Variants in RSPO2 observed in about 807,000 individuals in gnomAD.
The protein encoded by RSPO2 is R-spondin 2, also known as R-spondin-2.
RSPO2 carries 14 observed loss-of-function variants against 30.9 expected under a neutral mutation model. That is an observed-to-expected ratio of 0.45 (90% CI 0.30 to 0.71). The LOEUF (loss-of-function observed/expected upper bound fraction) is 0.71, where lower values mean the gene tolerates loss of function less well. Among genes scored for constraint, RSPO2 ranks in the 30% least tolerant of loss-of-function variants. The probability of loss-of-function intolerance (pLI) is 0.08; values close to 1 mark genes in which losing one functional copy is unlikely to be tolerated. For synonymous variants in RSPO2, 107 were observed against 96.4 expected, an observed-to-expected ratio of 1.11 and a Z score of -0.64; for missense variants, 264 against 301.9, an observed-to-expected ratio of 0.87 and a Z score of 0.93.
intron 2 of RSPO2, among the ~76,000 whole-genome samples, chr8:108,049,249 AAAG>A (rs1361173214): frequency 6.6e-6 from 1 of 152,016 alleles, no homozygotes; most frequent in African/African-American, 2.4e-5. Flanking sequence ...AAGTATAATA[AAAG>A]AATAAAATAA....
At chr8:108,025,783 A>G (rs780674928) in intron 2 of RSPO2, among the ~76,000 whole-genome samples, 1 of 152,072 alleles carries the variant, frequency 6.6e-6, no homozygotes, top group Non-Finnish European at 1.5e-5. Context: ...CAGCCTCCCA[A>G]GGTGGTGGAG....
At chr8:108,031,066 C>T (rs1001653374) in intron 2 of RSPO2, among the ~76,000 whole-genome samples, 4 of 152,152 alleles carry the variant, frequency 2.6e-5, no homozygotes, top group African/African-American at 9.7e-5. Flanking sequence ...TGATTTTGTT[C>T]AGGTTCCATC....
At chr8:107,965,146 T>C (rs1471749075) in intron 3 of RSPO2, among the ~76,000 whole-genome samples, 2 of 152,206 alleles carry the variant, frequency 1.3e-5, no homozygotes, top group African/African-American at 4.8e-5. Context: ...GGGTTTTAAG[T>C]CCTCGTTCAA....
At chr8:107,940,210 T>C (rs1812854837) in intron 5 of RSPO2, among the ~76,000 whole-genome samples, 1 of 152,048 alleles carries the variant, frequency 6.6e-6, no homozygotes, top group Admixed American at 6.6e-5. Flanking sequence ...TTCTCAGAGG[T>C]GGTCATTTCT....
chr8:107,947,761 G>A (rs1813112657), intron 5 of RSPO2, among the ~76,000 whole-genome samples: 1 of 152,126 alleles, frequency 6.6e-6, no homozygotes, highest in Non-Finnish European at 1.5e-5. Context: ...ATGTCTCATA[G>A]CTCTCCACAG....
chr8:107,969,277 A>G (rs1399514916), intron 3 of RSPO2, among the ~76,000 whole-genome samples: 3 of 152,240 alleles, frequency 2.0e-5, no homozygotes, highest in Admixed American at 6.5e-5. Flanking sequence ...TCAGATAGCT[A>G]TAGAGTTCTA....
At chr8:107,954,305 T>G (rs927671000) in intron 5 of RSPO2, among the ~76,000 whole-genome samples, 47 of 152,190 alleles carry the variant, frequency 3.1e-4, no homozygotes, top group Non-Finnish European at 6.8e-4. Flanking sequence ...CATGTGTCAT[T>G]TAAATATATG....
At chr8:108,043,727 T>C (rs1811824739) in intron 2 of RSPO2, among the ~76,000 whole-genome samples, 1 of 152,084 alleles carries the variant, frequency 6.6e-6, no homozygotes, top group African/African-American at 2.4e-5. Flanking sequence ...ACAACTGTGA[T>C]AGCCAGGCAA....
chr8:107,963,734 G>A (rs553960568), intron 3 of RSPO2, among the ~76,000 whole-genome samples: 137 of 151,982 alleles, frequency 9.0e-4, no homozygotes, highest in African/African-American at 2.8e-3. Flanking sequence ...CATAGAAAAG[G>A]TTATTACAAT....
intron 2 of RSPO2, among the ~76,000 whole-genome samples, chr8:108,015,254 G>A (rs1810846591): frequency 6.6e-6 from 1 of 152,014 alleles, no homozygotes; most frequent in Non-Finnish European, 1.5e-5. Context: ...AGCCTTAGGG[G>A]AAAAAATAAC....
chr8:108,014,546 G>T (rs1810815369), intron 2 of RSPO2, among the ~76,000 whole-genome samples: 1 of 152,246 alleles, frequency 6.6e-6, no homozygotes, highest in African/African-American at 2.4e-5. Context: ...CCTTTGCAGG[G>T]ACATGGATGA....
chr8:108,035,364 C>G (rs17405215), intron 2 of RSPO2, among the ~76,000 whole-genome samples: 4,711 of 152,284 alleles, frequency 0.031, 103 homozygotes, highest in South Asian at 0.052. Flanking sequence ...CATAGTAACA[C>G]AGACACAATT....
At chr8:107,970,315 A>C (rs1196940836) in intron 3 of RSPO2, among the ~76,000 whole-genome samples, 2 of 152,116 alleles carry the variant, frequency 1.3e-5, no homozygotes, top group South Asian at 4.1e-4. Flanking sequence ...TTAAAATCTC[A>C]ATGACTTAAA....
rs1554582858 is a variant in RSPO2, at chr8:108,022,945, C to CCA, written c.95-33703_95-33702dup. Among the ~76,000 whole-genome samples, 250 of 147,380 alleles carry CCA rather than the reference C, an allele frequency of 1.7e-3. 1 individual carries two copies. Among genetic ancestry groups the CCA allele is most frequent in the African/African-American group, 5.1e-3 (206 of 40,152 alleles). On this transcript the variant is annotated intron_variant, in intron 2 of 5. Transcript: ENST00000276659. ...TCAAAAAAAAAAACAAAAAAAAAAA[C>CCA]CACACACACACTCACAGTAGTTGCA...
At chr8:108,049,366 T>C (rs1812009311) in intron 2 of RSPO2, among the ~76,000 whole-genome samples, 1 of 152,110 alleles carries the variant, frequency 6.6e-6, no homozygotes, top group Non-Finnish European at 1.5e-5. Flanking sequence ...TTTTTTTTCT[T>C]TTTTTAAAGA....
chr8:107,920,037 C>T (rs1283930747), intron 5 of RSPO2, among the ~76,000 whole-genome samples: 1 of 151,992 alleles, frequency 6.6e-6, no homozygotes, highest in African/African-American at 2.4e-5. Context: ...CAGGGCAAGA[C>T]TTATCTCCCT....
chr8:107,998,270 G>A (rs1017473354), intron 2 of RSPO2, among the ~76,000 whole-genome samples: 23 of 151,718 alleles, frequency 1.5e-4, no homozygotes, highest in African/African-American at 5.6e-4. Flanking sequence ...ACCAATAACA[G>A]GGAACTTGCA....
intron 3 of RSPO2, among the ~76,000 whole-genome samples, chr8:107,982,661 A>G (rs1331344231): frequency 6.6e-6 from 1 of 152,178 alleles, no homozygotes; most frequent in African/African-American, 2.4e-5. Flanking sequence ...CTATGACTCC[A>G]TGTACTCCCC....
chr8:107,901,931 T>C (rs1811485613), intron 5 of RSPO2, among the ~76,000 whole-genome samples: 1 of 152,240 alleles, frequency 6.6e-6, no homozygotes, highest in Middle Eastern at 3.2e-3. Flanking sequence ...AGCTAACTAG[T>C]TGAGGTTTTC....
Sources: gnomAD v4.1 joint callset for allele counts (sites outside exome capture counted in the v4.1 genomes callset) on GRCh38, gnomAD v4.1.1 for gene constraint, MANE v1.5 for transcripts, NCBI Gene and HGNC (gene_info 2026-07-23, HGNC 2026-07-21) for gene names.